ASRGL1: variants seen among roughly 807,000 people sequenced by gnomAD.
The protein encoded by ASRGL1 is asparaginase and isoaspartyl peptidase 1, also known as isoaspartyl peptidase/L-asparaginase.
A neutral mutation model predicts 22.4 loss-of-function variants in ASRGL1; 16 were observed. The ratio of observed to expected loss-of-function variants is 0.71; its 90% confidence interval spans 0.48 to 1.08. The LOEUF (loss-of-function observed/expected upper bound fraction) is 1.08, where lower values mean the gene tolerates loss of function less well. Among genes scored for constraint, ASRGL1 ranks in the 50% least tolerant of loss-of-function variants. The probability of loss-of-function intolerance (pLI) is 0.00; values close to 1 mark genes in which losing one functional copy is unlikely to be tolerated. For missense variants in ASRGL1, 412 were observed against 410.1 expected, an observed-to-expected ratio of 1.00 and a Z score of -0.04; for synonymous variants, 165 against 159.3, an observed-to-expected ratio of 1.04 and a Z score of -0.27.
chr11:62,399,898 C>T, the ASRGL1 span, among the ~76,000 whole-genome samples: 4 of 152,156 alleles, frequency 2.6e-5, no homozygotes, highest in Admixed American at 6.5e-5. Flanking sequence ...CGAGGCTGCC[C>T]GTGGCGGCCA....
At chr11:62,362,659 TAA>T (rs1302059058) in intron 4 of ASRGL1, among the ~76,000 whole-genome samples, 11 of 95,120 alleles carry the variant, frequency 1.2e-4, no homozygotes, top group African/African-American at 3.0e-4. Flanking sequence ...ATATATTATA[TAA>T]AATATATAAT....
At position 62,379,690 on chromosome 11, in the gene ASRGL1, G is replaced by A. The variant is rs552174776; in HGVS notation, c.492-9443G>A. ...TGAAAGCAGAGAGACTGCTTGTATA[G>A]TACATAAATCTACTGCTACACTGCC... On this transcript the variant is annotated intron_variant, in intron 4 of 6. Coordinates refer to ENST00000415229, the MANE Select transcript of ASRGL1 (RefSeq NM_001083926.2). 2.6e-5 allele frequency among the ~76,000 whole-genome samples: 4 copies of A among 152,296 alleles called. No individual in the cohort carries two copies. The East Asian group carries it at 7.7e-4, about 29-fold the overall frequency.
intron 4 of ASRGL1, among the ~76,000 whole-genome samples, chr11:62,380,404 T>C (rs948051702): frequency 4.2e-4 from 64 of 152,304 alleles, no homozygotes; most frequent in African/African-American, 1.4e-3. Context: ...GGGCAGGTGG[T>C]TCCTGGGTCT....
chr11:62,388,801 T>C (rs1030122621), intron 4 of ASRGL1, among the ~76,000 whole-genome samples: 2 of 152,054 alleles, frequency 1.3e-5, no homozygotes, highest in African/African-American at 2.4e-5. Context: ...GGAATTCTTA[T>C]ACACACTAAA....
chr11:62,391,634 T>C lies in ASRGL1; in HGVS notation c.721+2T>C. The C allele has an allele frequency of 6.2e-7, 1 of 1,604,632 alleles. No homozygotes were observed. Among genetic ancestry groups the C allele is most frequent in the South Asian group, 1.1e-5 (1 of 89,554 alleles). On this transcript the variant is annotated splice_donor_variant, in intron 6 of 6. Coordinates refer to ENST00000415229, the MANE Select transcript of ASRGL1 (RefSeq NM_001083926.2). LOFTEE classifies it high-confidence loss of function. The stretch of plus-strand genomic sequence containing the variant: ...TCACCCTGTTCCACATAGAACAAGG[T>C]ACACAGACCACAGGACAAGTAAAAT...
chr11:62,350,076 A>C (rs576708575), intron 2 of ASRGL1, among the ~76,000 whole-genome samples: 1 of 152,076 alleles, frequency 6.6e-6, no homozygotes, highest in South Asian at 2.1e-4. Context: ...TGTGACTTAG[A>C]ATGCCTTAAC....
chr11:62,341,323 C>G (rs550697620), intron 2 of ASRGL1, among the ~76,000 whole-genome samples: 1 of 151,590 alleles, frequency 6.6e-6, no homozygotes, highest in African/African-American at 2.4e-5. Flanking sequence ...CTCAGCCTCT[C>G]GAGTAGCTGG....
At chr11:62,345,850 C>T (rs1946005436) in intron 2 of ASRGL1, among the ~76,000 whole-genome samples, 1 of 152,180 alleles carries the variant, frequency 6.6e-6, no homozygotes. Context: ...GTTCACACTC[C>T]TATGAGAATC....
At chr11:62,396,370 A>T (rs1012664339), downstream of ASRGL1, among the ~76,000 whole-genome samples, 3 of 152,120 alleles carry the variant, frequency 2.0e-5, no homozygotes, top group African/African-American at 4.8e-5. Context: ...CCCCACAAAG[A>T]GCTGAGCCAC....
intron 4 of ASRGL1, among the ~76,000 whole-genome samples, chr11:62,385,115 C>G (rs1297539947): frequency 6.6e-6 from 1 of 151,318 alleles, no homozygotes; most frequent in Non-Finnish European, 1.5e-5. Context: ...GGGCCTGCCA[C>G]CAGCAGGGAC....
In ASRGL1 at chr11:62,392,570, A is replaced by C; in HGVS notation, c.*286A>C. 1 of 28,946 alleles carries C rather than the reference A, an allele frequency of 3.5e-5. No individual in the cohort carries two copies. 1.8% of individuals were successfully genotyped at this position (28,946 alleles called of 1,614,324 possible). ...GGCAACAGAGCCAGGCCCTGTATCA[A>C]AAAAAAAAAAAAAAAGAAAAGGGAA... On this transcript the variant is annotated 3_prime_UTR_variant, in exon 7 of 7. Coordinates refer to ENST00000415229, the MANE Select transcript of ASRGL1 (RefSeq NM_001083926.2).
At chr11:62,384,454 A>C (rs1195078008) in intron 4 of ASRGL1, among the ~76,000 whole-genome samples, 2 of 152,134 alleles carry the variant, frequency 1.3e-5, no homozygotes, top group Non-Finnish European at 2.9e-5. Flanking sequence ...CTGTGAGCTG[A>C]GATGGCGCCA....
At chr11:62,373,189 T>A in intron 4 of ASRGL1, 1 of 1,005,836 alleles carries the variant, frequency 9.9e-7, no homozygotes, top group Non-Finnish European at 1.6e-6. Flanking sequence ...TCCCAGAGAC[T>A]CCTCCGACTC....
At chr11:62,387,647 G>T (rs1289576871) in intron 4 of ASRGL1, among the ~76,000 whole-genome samples, 2 of 152,190 alleles carry the variant, frequency 1.3e-5, no homozygotes, top group African/African-American at 4.8e-5. Context: ...GACACTCTGT[G>T]TAAAACAGCA....
intron 4 of ASRGL1, among the ~76,000 whole-genome samples, chr11:62,363,028 C>T (rs971563913): frequency 7.0e-6 from 1 of 142,502 alleles, no homozygotes; most frequent in Admixed American, 7.8e-5. Flanking sequence ...ACGCCATTCT[C>T]CTGCATGCCA....
downstream of ASRGL1, among the ~76,000 whole-genome samples, chr11:62,397,039 G>GT (rs928479971): frequency 7.2e-5 from 11 of 151,934 alleles, no homozygotes; most frequent in South Asian, 4.2e-4. Flanking sequence ...TTTTTTGTTT[G>GT]TTTTTTTTGA....
At chr11:62,357,353 G>A (rs554831287) in intron 4 of ASRGL1, among the ~76,000 whole-genome samples, 4 of 151,420 alleles carry the variant, frequency 2.6e-5, no homozygotes, top group Non-Finnish European at 5.9e-5. Flanking sequence ...AGGCTCAAGC[G>A]GTTCTCCTGC....
chr11:62,368,327 A>G (rs1177051173), intron 4 of ASRGL1, among the ~76,000 whole-genome samples: 1 of 152,104 alleles, frequency 6.6e-6, no homozygotes, highest in African/African-American at 2.4e-5. Context: ...ATCCCCTTCA[A>G]ATAAGGGGGG....
intron 2 of ASRGL1, among the ~76,000 whole-genome samples, chr11:62,342,244 C>G (rs922712333): frequency 6.6e-6 from 1 of 152,124 alleles, no homozygotes; most frequent in African/African-American, 2.4e-5. Context: ...GTAAAAACAC[C>G]TTTAAATAAG....
Sources: gnomAD v4.1 joint callset for allele counts (sites outside exome capture counted in the v4.1 genomes callset) on GRCh38, gnomAD v4.1.1 for gene constraint, MANE v1.5 for transcripts, NCBI Gene and HGNC (gene_info 2026-07-23, HGNC 2026-07-21) for gene names.